Variants in CIITA observed in about 807,000 individuals in gnomAD.
CIITA encodes MHC class II transactivator.
A neutral mutation model predicts 115.1 loss-of-function variants in CIITA; 72 were observed. That is an observed-to-expected ratio of 0.63 (90% CI 0.52 to 0.76). The LOEUF (loss-of-function observed/expected upper bound fraction) is 0.76, where lower values mean the gene tolerates loss of function less well. Ranked by LOEUF, CIITA falls within the 30% of genes least tolerant of loss-of-function variation. CIITA has a pLI of 0.00. For missense variants in CIITA, 1,617 were observed against 1,463.8 expected (o/e 1.10, Z -1.71); for synonymous variants, 763 against 635.6 (o/e 1.20, Z -3.02).
intron 7 of CIITA, 51 bp from the exon 8 acceptor site, chr16:10,902,607 C>G: frequency 6.8e-6 from 11 of 1,612,746 alleles, no homozygotes; most frequent in Non-Finnish European, 9.3e-6. Context: ...AGCAGAATCG[C>G]AAACACAGGT....
At position 10,928,868 on chromosome 16, in the gene CIITA, A is replaced by T. The variant is rs2040649564; in HGVS notation, c.*5013A>T. On this transcript the variant is annotated 3_prime_UTR_variant, in exon 20 of 20. Transcript: ENST00000324288. ...CTCCTTTCCCGAATCTCAAAGTTAA[A>T]AAAAAAGGCAGGGCCCCAGGGGTTG... 1 of 152,736 alleles carries T rather than the reference A, an allele frequency of 6.5e-6. No individual in the cohort carries two copies. Among genetic ancestry groups the T allele is most frequent in the Admixed American group, 6.5e-5 (1 of 15,296 alleles). The allele number at this position is 152,736 out of a possible 1,614,324, so 9.5% of individuals were successfully genotyped here. A position where few individuals can be genotyped will look rare whatever the true frequency, so the allele number is the denominator to read the frequency against.
At chr16:10,888,348 C>T (rs979466313) in intron 1 of CIITA, 1 of 152,190 alleles carries the variant, frequency 6.6e-6, no homozygotes, top group Non-Finnish European at 1.5e-5. Flanking sequence ...TAGGGATAAC[C>T]TGAAAGTTGG....
intron 1 of CIITA, among the ~76,000 whole-genome samples, chr16:10,868,833 G>A (rs2035275928): frequency 6.6e-6 from 1 of 152,212 alleles, no homozygotes; most frequent in Non-Finnish European, 1.5e-5. Context: ...AAGTGGAACT[G>A]CACTCGGGGC....
At position 10,941,789 on chromosome 16, in the gene CIITA, G is replaced by A. The variant is rs770699316; in HGVS notation, n.915G>A. On this transcript the variant is annotated non_coding_transcript_exon_variant, in exon 2 of 2. Coordinates refer to the CIITA transcript ENST00000573379. This position sits in a 1 kb window ranked among gnomAD's most constrained non-coding sequence, Gnocchi z 6.4. ...TAAAGGCCCGAGCCGGGGTCGGAGA[G>A]CACGCCGAGGTCCACGAGCGCCTGG... 50 of 1,613,628 alleles carry A rather than the reference G, an allele frequency of 3.1e-5. No individual in the cohort carries two copies. The highest frequency in any genetic ancestry group is 4.1e-5 in the Non-Finnish European group (48 of 1,179,870).
rs7204703 is a variant in CIITA, at chr16:10,884,226, C to T, written c.52+6844C>T. On this transcript the variant is annotated intron_variant, in intron 1 of 19. Coordinates refer to ENST00000324288, the MANE Select transcript of CIITA (RefSeq NM_000246.4). Reference sequence around the variant, plus strand: ...CCAATTTTAATTTGTTTTCCACTTTCCTGCTCTGAAGTTACTTTGTTTGCC... The same window carrying T: ...CCAATTTTAATTTGTTTTCCACTTTTCTGCTCTGAAGTTACTTTGTTTGCC... Among the ~76,000 whole-genome samples, 753 of 145,498 alleles carry T rather than the reference C, an allele frequency of 5.2e-3. 7 individuals carry two copies. The highest frequency in any genetic ancestry group is 0.018 in the African/African-American group (715 of 40,522).
rs1160673027 is a variant in CIITA, at chr16:10,907,461, C to G, written c.1969C>G (p.Leu657Val). 1.9e-6 allele frequency: 3 copies of G among 1,613,372 alleles called. No homozygotes were observed. The African/African-American group carries it at 4.0e-5, about 22-fold the overall frequency. ...RAALDSPPGA[L>V]AELAKLAWEL... Reference sequence around the variant, plus strand: ...AGCCCTCGACAGCCCCCCCGGGGCCCTGGCAGAGCTGGCCAAGCTGGCCTG... The same window carrying G: ...AGCCCTCGACAGCCCCCCCGGGGCCGTGGCAGAGCTGGCCAAGCTGGCCTG... Residue 657 changes from leucine (L) to valine (V), a missense_variant, in exon 11 of 20, where the codon CTG becomes GTG. Coordinates refer to ENST00000324288, the MANE Select transcript of CIITA (RefSeq NM_000246.4). This position sits in a 1 kb window ranked among gnomAD's most constrained non-coding sequence, Gnocchi z 5.0.
chr16:10,901,747 T>C lies in CIITA; in HGVS notation c.481+189T>C. The C allele has an allele frequency of 1.5e-6, 1 of 685,952 alleles. No homozygotes were observed. Among genetic ancestry groups the C allele is most frequent in the East Asian group, 2.7e-5 (1 of 36,932 alleles). 42.5% of individuals were successfully genotyped at this position (685,952 alleles called of 1,614,324 possible). On this transcript the variant is annotated intron_variant, in intron 6 of 19. Coordinates refer to ENST00000324288, the MANE Select transcript of CIITA (RefSeq NM_000246.4). The surrounding 1 kb of genome is among the most constrained non-coding windows in gnomAD (Gnocchi z 6.8). ...GGGGCTCACGACTGTTTGTGGAAGG[T>C]GGTAGGGGCTTGGAGCTAACAGATT...
chr16:10,914,089 T>C (rs928173054), intron 13 of CIITA, among the ~76,000 whole-genome samples: 3 of 152,220 alleles, frequency 2.0e-5, no homozygotes, highest in East Asian at 3.8e-4. Context: ...TCTGTCTATC[T>C]TCCCCCCTGG....
chr16:10,889,113 G>A (rs2037269056), intron 1 of CIITA, among the ~76,000 whole-genome samples: 2 of 152,178 alleles, frequency 1.3e-5, no homozygotes, highest in South Asian at 2.1e-4. Flanking sequence ...GGGAGAAGGT[G>A]AGCTAGAGGG....
rs1024104982 is a variant in CIITA, at chr16:10,923,058, T to C, written c.3318-170T>C. On this transcript the variant is annotated intron_variant, in intron 18 of 19. Transcript: ENST00000324288. This position sits in a 1 kb window ranked among gnomAD's most constrained non-coding sequence, Gnocchi z 5.2. ...CAGAACCATAAAGGAATCTCGGGCC[T>C]CCTAGGCTTCTCCTTTTCCCCATGA... 1.5e-6 allele frequency: 1 copy of C among 668,596 alleles called. No individual in the cohort carries two copies. The allele number at this position is 668,596 out of a possible 1,614,324, so 41.4% of individuals were successfully genotyped here.
At position 10,927,366 on chromosome 16, in the gene CIITA, G is replaced by A. The variant is rs1190043383; in HGVS notation, c.*3511G>A. On this transcript the variant is annotated 3_prime_UTR_variant, in exon 20 of 20. Coordinates refer to ENST00000324288, the MANE Select transcript of CIITA (RefSeq NM_000246.4). ...AGGAGGGCGGGAAACATCTCGCTTT[G>A]TACACTGCTGTGCCCTCTGTACCCA... 1 of 152,200 alleles carries A rather than the reference G, an allele frequency of 6.6e-6. No individual in the cohort carries two copies. The highest frequency in any genetic ancestry group is 1.5e-5 in the Non-Finnish European group (1 of 68,046). 9.4% of individuals were successfully genotyped at this position (152,200 alleles called of 1,614,324 possible). A position where few individuals can be genotyped will look rare whatever the true frequency, so the allele number is the denominator to read the frequency against.
Position 10,941,770 on chromosome 16 carries a change from C to T in CIITA, n.896C>T. On this transcript the variant is annotated non_coding_transcript_exon_variant, in exon 2 of 2. Coordinates refer to the CIITA transcript ENST00000573379. This position sits in a 1 kb window ranked among gnomAD's most constrained non-coding sequence, Gnocchi z 6.4. ...GAGCTCCGAGTCAGCATCGTAAAGG[C>T]CCGAGCCGGGGTCGGAGAGCACGCC... 1 of 1,613,418 alleles carries T rather than the reference C, an allele frequency of 6.2e-7. No individual in the cohort carries two copies. Among genetic ancestry groups the T allele is most frequent in the Non-Finnish European group, 8.5e-7 (1 of 1,179,672 alleles).
chr16:10,869,745 C>T (rs1326080853), intron 1 of CIITA, among the ~76,000 whole-genome samples: 2 of 152,138 alleles, frequency 1.3e-5, no homozygotes, highest in East Asian at 1.9e-4. Flanking sequence ...GAACTCCTGA[C>T]ATCAAGTGAT....
At position 10,925,801 on chromosome 16, in the gene CIITA, T is replaced by G. The variant is rs1427990568; in HGVS notation, c.*1946T>G. ...ACTTTTCTTTGTGGCTTCCTAAAAT[T>G]CAGTGGAAAATTAATTGTTTGGGGA... On this transcript the variant is annotated 3_prime_UTR_variant, in exon 20 of 20. Coordinates refer to ENST00000324288, the MANE Select transcript of CIITA (RefSeq NM_000246.4). The G allele has an allele frequency of 6.6e-6, 1 of 152,218 alleles. No homozygotes were observed. Among genetic ancestry groups the G allele is most frequent in the Non-Finnish European group, 1.5e-5 (1 of 68,034 alleles). 9.4% of individuals were successfully genotyped at this position (152,218 alleles called of 1,614,324 possible).
chr16:10,882,035 A>C (rs943782251), intron 1 of CIITA, among the ~76,000 whole-genome samples: 45 of 152,128 alleles, frequency 3.0e-4, no homozygotes, highest in African/African-American at 1.0e-3. Flanking sequence ...TAATATGTGG[A>C]TATCCCATAT....
intron 1 of CIITA, among the ~76,000 whole-genome samples, chr16:10,883,258 T>C (rs1340445211): frequency 2.6e-5 from 4 of 152,206 alleles, no homozygotes; most frequent in African/African-American, 7.2e-5. Context: ...GAAAAACTTG[T>C]TGGACTCCTT....
chr16:10,884,627 C>T (rs111423830), intron 1 of CIITA, among the ~76,000 whole-genome samples: 2,053 of 152,192 alleles, frequency 0.013, 46 homozygotes, highest in African/African-American at 0.048. Context: ...CACTATGTTG[C>T]CCAGGCTGGT....
chr16:10,886,897 C>G (rs182745136), intron 1 of CIITA, among the ~76,000 whole-genome samples: 2 of 152,336 alleles, frequency 1.3e-5, no homozygotes, highest in Admixed American at 1.3e-4. Context: ...TTTTGTCTCT[C>G]TCCTAAAATA....
At chr16:10,922,839 G>C (rs1447891104) in intron 18 of CIITA, 1 of 500,786 alleles carries the variant, frequency 2.0e-6, no homozygotes, top group African/African-American at 1.9e-5. Context: ...TATGGTTCAG[G>C]TTTATCTTTT....
Sources: allele counts gnomAD v4.1 joint callset (sites outside exome capture counted in the v4.1 genomes callset), GRCh38; gene constraint gnomAD v4.1.1; non-coding constraint Gnocchi (gnomAD v3.1); transcripts MANE v1.5; gene names NCBI Gene and HGNC (gene_info 2026-07-23, HGNC 2026-07-21).